Variants in C20orf144 observed in about 807,000 individuals in gnomAD.
C20orf144 encodes the protein uncharacterized protein C20orf144.
Under a neutral mutation model 3.8 loss-of-function variants are expected in C20orf144, and 8 were observed. The observed-to-expected ratio is 2.11, with a 90% CI of 1.24 to 3.80. The LOEUF (loss-of-function observed/expected upper bound fraction) is 3.80. Ranked by LOEUF, C20orf144 falls within the 30% of genes most tolerant of loss-of-function variation. The pLI, the probability that C20orf144 is intolerant of heterozygous loss-of-function variation, is 0.00. For synonymous variants in C20orf144, 126 were observed against 104.1 expected, an observed-to-expected ratio of 1.21 and a Z score of -1.28; for missense variants, 289 against 224.5, an observed-to-expected ratio of 1.29 and a Z score of -1.83.
At position 33,663,376 on chromosome 20, in the gene C20orf144, G is replaced by A. The variant is rs2122481939; in HGVS notation, c.127-156G>A. 3.9e-6 allele frequency: 3 copies of A among 771,010 alleles called. No homozygotes were observed. In the Admixed American group the frequency reaches 9.8e-5, roughly 25 times the overall value. The allele number at this position is 771,010 out of a possible 1,614,324, so 47.8% of individuals were successfully genotyped here. A position where few individuals can be genotyped will look rare whatever the true frequency, so the allele number is the denominator to read the frequency against. ...CTTCCCCGCGGCCTGAATTGGACAG[G>A]GGTCCCCTCCAGCCCTGTGCACGAG... is the stretch of plus-strand genomic sequence containing the variant. On this transcript the variant is annotated intron_variant, in intron 1 of 1. Transcript: ENST00000375222.
chr20:33,663,393 G>A (rs2122482062), intron 1 of C20orf144, 139 bp from the exon 2 acceptor site: 1 of 936,226 alleles, frequency 1.1e-6, no homozygotes, highest in South Asian at 1.7e-5. Flanking sequence ...CTCCAGCCCT[G>A]TGCACGAGAG....
chr20:33,663,675 G>A lies in C20orf144; in HGVS notation c.270G>A (p.Glu90=), dbSNP rs1179411342. ...LRGAGEGSER[E]PRMPVLLLLR... ...GAGCGGGCGAAGGTAGCGAGCGCGA[G>A]CCGAGGATGCCGGTACTGCTGCTGC... The change falls in exon 2 of 2, where the codon GAG becomes GAA. Residue 90 remains glutamate (E), a synonymous_variant. Transcript: ENST00000375222. The A allele has an allele frequency of 1.5e-5, 24 of 1,588,726 alleles. No individual in the cohort carries two copies. The highest frequency in any genetic ancestry group is 2.3e-5 in the East Asian group (1 of 43,644).
chr20:33,663,135 C>G (rs922362748), intron 1 of C20orf144, among the ~76,000 whole-genome samples: 2 of 152,172 alleles, frequency 1.3e-5, no homozygotes, highest in African/African-American at 4.8e-5. Context: ...CTAGTGTCCT[C>G]TCTTCAGCTC....
Position 33,663,817 on chromosome 20 carries a change from G to T in C20orf144, c.412G>T (p.Ala138Ser). 1 of 1,319,174 alleles carries T rather than the reference G, an allele frequency of 7.6e-7. No individual in the cohort carries two copies. The highest frequency in any genetic ancestry group is 9.6e-7 in the Non-Finnish European group (1 of 1,038,386). The allele number at this position is 1,319,174 out of a possible 1,614,324, so 81.7% of individuals were successfully genotyped here. ...GAAGGCTCCCCGCGAAGCCGGCCCC[G>T]CCGAGGAGCAGCCGCGCAAACGGTG... ...PGKAPREAGP[A>S]EEQPRKRCRC... The change falls in exon 2 of 2, where the codon GCC (alanine) becomes TCC (serine). Residue 138 changes from alanine to serine, a missense_variant. Transcript: ENST00000375222.
chr20:33,662,614 C>T, intron 1 of C20orf144, 143 bp downstream of exon 1: 1 of 980,782 alleles, frequency 1.0e-6, no homozygotes. Context: ...GAAAATCTCT[C>T]CCAAGGATGA....
rs760338918 is a variant in C20orf144, at chr20:33,663,575, T to C, written c.170T>C (p.Leu57Pro). The C allele has an allele frequency of 2.5e-6, 4 of 1,611,398 alleles. No individual in the cohort carries two copies. The South Asian group carries it at 3.3e-5, about 13-fold the overall frequency. Residue 57 changes from leucine (L) to proline (P), a missense_variant, in exon 2 of 2, where the codon CTG becomes CCG. By Grantham distance (98) the Leu-to-Pro change is moderately conservative. Transcript: ENST00000375222. ...LILPLDKRQP[L>P]ANAGQRIDYA... ...CTCCCCCTGGACAAGCGGCAGCCGC[T>C]GGCCAACGCTGGGCAACGGATTGAC...
intron 1 of C20orf144, among the ~76,000 whole-genome samples, chr20:33,663,085 T>C (rs2017531849): frequency 6.6e-6 from 1 of 152,152 alleles, no homozygotes; most frequent in Non-Finnish European, 1.5e-5. Context: ...GAGAATCAGT[T>C]CTAGTTGGTA....
chr20:33,663,786 C>T lies in C20orf144; in HGVS notation c.381C>T (p.Ser127=), dbSNP rs1279443607. 2.8e-6 allele frequency: 4 copies of T among 1,427,882 alleles called. No individual in the cohort carries two copies. Among genetic ancestry groups the T allele is most frequent in the Non-Finnish European group, 3.6e-6 (4 of 1,101,018 alleles). The allele number at this position is 1,427,882 out of a possible 1,614,324, so 88.5% of individuals were successfully genotyped here. ...SWPRLLSRFR[S]PGKAPREAGP... ...CGCGGCTGCTCTCGCGCTTCCGGTC[C>T]CCGGGGAAGGCTCCCCGCGAAGCCG... Residue 127 remains serine, a synonymous_variant, in exon 2 of 2, where the codon TCC becomes TCT. Transcript: ENST00000375222.
intron 1 of C20orf144, 133 bp from the exon 2 acceptor site, chr20:33,663,399 G>C (rs2017542818): frequency 2.0e-6 from 2 of 977,108 alleles, no homozygotes; most frequent in South Asian, 1.7e-5. Flanking sequence ...CCCTGTGCAC[G>C]AGAGGATGAC....
Position 33,663,665 on chromosome 20 carries a change from G to C in C20orf144, c.260G>C (p.Ser87Thr), listed in dbSNP as rs762277407. Residue 87 changes from serine to threonine, a missense_variant, in exon 2 of 2, where the codon AGC becomes ACC. By Grantham distance (58) the Ser-to-Thr change is moderately conservative. Transcript: ENST00000375222. ...AGATTGCGCGGAGCGGGCGAAGGTA[G>C]CGAGCGCGAGCCGAGGATGCCGGTA... ...APRLRGAGEG[S>T]EREPRMPVLL... is the part of the protein sequence containing the mutation. 1 of 1,575,080 alleles carries C rather than the reference G, an allele frequency of 6.3e-7. No homozygotes were observed. The highest frequency in any genetic ancestry group is 8.6e-7 in the Non-Finnish European group (1 of 1,168,810).
chr20:33,662,339 C>A lies in C20orf144; in HGVS notation c.-7C>A, dbSNP rs1194086961. On this transcript the variant is annotated 5_prime_UTR_variant, in exon 1 of 2. Transcript: ENST00000375222. ...GGCCATCGTCCCCAGTGGTGACCAG[C>A]CCTGCCATGGGAAACTATAGTTCCC... The A allele has an allele frequency of 3.2e-6, 5 of 1,550,814 alleles. No individual in the cohort carries two copies. The highest frequency in any genetic ancestry group is 2.7e-5 in the African/African-American group (2 of 73,024).
At position 33,662,335 on chromosome 20, in the gene C20orf144, C is replaced by T; in HGVS notation, c.-11C>T. ...TGTGGGCCATCGTCCCCAGTGGTGA[C>T]CAGCCCTGCCATGGGAAACTATAGT... On this transcript the variant is annotated 5_prime_UTR_variant, in exon 1 of 2. Transcript: ENST00000375222. 6.4e-7 allele frequency: 1 copy of T among 1,550,718 alleles called. No homozygotes were observed. The highest frequency in any genetic ancestry group is 8.7e-7 in the Non-Finnish European group (1 of 1,146,840).
In C20orf144 at chr20:33,663,861, G is replaced by A. The variant is rs781014497; in HGVS notation, c.456G>A (p.Gln152=). The A allele has an allele frequency of 1.5e-4, 204 of 1,394,394 alleles. No homozygotes were observed. Among genetic ancestry groups the A allele is most frequent in the Admixed American group, 2.9e-4 (8 of 27,532 alleles). 86.4% of individuals were successfully genotyped at this position (1,394,394 alleles called of 1,614,324 possible). A position where few individuals can be genotyped will look rare whatever the true frequency, so the allele number is the denominator to read the frequency against. The change falls in exon 2 of 2, where the codon CAG becomes CAA. Residue 152 remains glutamine, a synonymous_variant. Coordinates refer to ENST00000375222, the MANE Select transcript of C20orf144 (RefSeq NM_080825.4). ...AACGGTGCCGCTGCCCTCGCCCGCAGCTTTAAACGCTTGGCCCGGACCCCG... is the reference window on the plus strand; with the variant it reads ...AACGGTGCCGCTGCCCTCGCCCGCAACTTTAAACGCTTGGCCCGGACCCCG... The part of the protein sequence containing the change: ...PRKRCRCPRP[Q]L
rs755118770 is a variant in C20orf144, at chr20:33,663,626, C to T, written c.221C>T (p.Ser74Phe). The T allele has an allele frequency of 1.9e-6, 3 of 1,608,952 alleles. No individual in the cohort carries two copies. The highest frequency in any genetic ancestry group is 2.2e-5 in the South Asian group (2 of 90,964). Residue 74 changes from serine to phenylalanine, a missense_variant, in exon 2 of 2, where the codon TCC becomes TTC. By Grantham distance (155) the Ser-to-Phe change is radical (BLOSUM62 -2). Coordinates refer to ENST00000375222, the MANE Select transcript of C20orf144 (RefSeq NM_080825.4). ...TACGCGTCCGGCGCTGGGCTGGGCT[C>T]CCCGGCGGCACCCAGATTGCGCGGA... The part of the protein sequence containing the change: ...IDYASGAGLG[S>F]PAAPRLRGAG...
In C20orf144 at chr20:33,662,495, G is replaced by C. The variant is rs1568894978; in HGVS notation, c.126+24G>C. On this transcript the variant is annotated intron_variant, in intron 1 of 1. Coordinates refer to ENST00000375222, the MANE Select transcript of C20orf144 (RefSeq NM_080825.4). ...CTGTGAGGGCGGGGGATGGGGAGCA[G>C]GGCTGGGGAGGCAGCTGGGGGGCAG... 5 of 1,549,378 alleles carry C rather than the reference G, an allele frequency of 3.2e-6. No individual in the cohort carries two copies. The East Asian group carries it at 9.8e-5, about 30-fold the overall frequency.
intron 1 of C20orf144, chr20:33,662,761 G>A (rs1163394471): frequency 5.7e-6 from 2 of 349,734 alleles, no homozygotes; most frequent in African/African-American, 2.1e-5. Flanking sequence ...GCAACATAGG[G>A]AGGCCCCATC....
chr20:33,663,774 G>C lies in C20orf144; in HGVS notation c.369G>C (p.Ser123=), dbSNP rs1356380892. 2.1e-6 allele frequency: 3 copies of C among 1,437,910 alleles called. No homozygotes were observed. The highest frequency in any genetic ancestry group is 2.7e-6 in the Non-Finnish European group (3 of 1,104,726). The allele number at this position is 1,437,910 out of a possible 1,614,324, so 89.1% of individuals were successfully genotyped here. A position where few individuals can be genotyped will look rare whatever the true frequency, so the allele number is the denominator to read the frequency against. ...CTCTGAGCTGGCCGCGGCTGCTCTC[G>C]CGCTTCCGGTCCCCGGGGAAGGCTC... ...RAALSWPRLL[S]RFRSPGKAPR... is the part of the protein sequence containing the mutation. The change falls in exon 2 of 2, where the codon TCG becomes TCC. Residue 123 remains serine, a synonymous_variant. Coordinates refer to ENST00000375222, the MANE Select transcript of C20orf144 (RefSeq NM_080825.4).
rs1210498414 is a variant in C20orf144, at chr20:33,663,593, G to A, written c.188G>A (p.Arg63Gln). The A allele has an allele frequency of 1.2e-6, 2 of 1,611,298 alleles. No homozygotes were observed. Among genetic ancestry groups the A allele is most frequent in the Non-Finnish European group, 8.5e-7 (1 of 1,179,706 alleles). The change falls in exon 2 of 2, where the codon CGG becomes CAG. Residue 63 changes from arginine to glutamine, a missense_variant. Arg to Gln is a conservative substitution (Grantham distance 43). Transcript: ENST00000375222. ...KRQPLANAGQRIDYASGAGLG... is the reference protein window; with the variant it reads ...KRQPLANAGQQIDYASGAGLG... ...CAGCCGCTGGCCAACGCTGGGCAAC[G>A]GATTGACTACGCGTCCGGCGCTGGG...
intron 1 of C20orf144, 34 bp downstream of exon 1, chr20:33,662,505 G>C (rs149331538): frequency 6.5e-7 from 1 of 1,546,106 alleles, no homozygotes; most frequent in African/African-American, 1.4e-5. Flanking sequence ...GGGCTGGGGA[G>C]GCAGCTGGGG....
Sources: allele counts gnomAD v4.1 joint callset (sites outside exome capture counted in the v4.1 genomes callset), GRCh38; gene constraint gnomAD v4.1.1; transcripts MANE v1.5; gene names NCBI Gene and HGNC (gene_info 2026-07-23, HGNC 2026-07-21).